PRKCH: variants seen among roughly 807,000 people sequenced by gnomAD.
PRKCH encodes the protein protein kinase C eta type.
In PRKCH, 28 loss-of-function variants were observed where a neutral mutation model predicts 82.5. The observed-to-expected ratio is 0.34, with a 90% CI of 0.25 to 0.47. PRKCH has a LOEUF of 0.47. Among genes scored for constraint, PRKCH ranks in the 20% least tolerant of loss-of-function variants. The pLI is 1.00. For missense variants in PRKCH, 705 were observed against 881.8 expected (o/e 0.80, Z 2.54); for synonymous variants, 322 against 327.4 (o/e 0.98, Z 0.18).
chr14:61,411,166 C>T (rs190164924), intron 2 of PRKCH, among the ~76,000 whole-genome samples: 36 of 152,290 alleles, frequency 2.4e-4, no homozygotes, highest in South Asian at 4.1e-4. Flanking sequence ...TTTGAGCCAC[C>T]TCAGAAGACA....
chr14:61,482,055 C>T (rs113505306), intron 9 of PRKCH, among the ~76,000 whole-genome samples: 5,184 of 139,290 alleles, frequency 0.037, 299 homozygotes, highest in African/African-American at 0.13. Context: ...GAGTGCATGG[C>T]GCGATCTTGG....
chr14:61,218,575 T>A (rs944076587), intron 1 of PRKCH, among the ~76,000 whole-genome samples: 1 of 152,072 alleles, frequency 6.6e-6, no homozygotes, highest in African/African-American at 2.4e-5. Flanking sequence ...CGCCCCCCAA[T>A]TTCAAGGGAA....
intron 1 of PRKCH, among the ~76,000 whole-genome samples, chr14:61,352,376 A>AT (rs2046088599): frequency 6.6e-6 from 1 of 152,138 alleles, no homozygotes; most frequent in Admixed American, 6.6e-5. Flanking sequence ...GATGTCCCAG[A>AT]TATAGGCCGG....
At position 61,408,566 on chromosome 14, in the gene PRKCH, G is replaced by C. The variant is rs1170577100; in HGVS notation, c.427+17278G>C. Among the ~76,000 whole-genome samples, 4 of 152,210 alleles carry C rather than the reference G, an allele frequency of 2.6e-5. No individual in the cohort carries two copies. The East Asian group carries it at 7.7e-4, about 29-fold the overall frequency. ...CCTTGCTGCGTGACCTTAAGCAATG[G>C]TTGCCTTATGTGTAAAACAAGGGGC... On this transcript the variant is annotated intron_variant, in intron 2 of 13. Coordinates refer to ENST00000332981, the MANE Select transcript of PRKCH (RefSeq NM_006255.5).
chr14:61,286,531 C>T (rs2045315084), intron 1 of PRKCH, among the ~76,000 whole-genome samples: 1 of 152,156 alleles, frequency 6.6e-6, no homozygotes, highest in Admixed American at 6.5e-5. Flanking sequence ...AATCCCAGCA[C>T]TTTGGGAGGC....
At chr14:61,431,139 T>C (rs750705750) in intron 2 of PRKCH, among the ~76,000 whole-genome samples, 5 of 151,820 alleles carry the variant, frequency 3.3e-5, no homozygotes, top group Non-Finnish European at 7.4e-5. Flanking sequence ...GGAGTTTAGC[T>C]GGTGTATGAC....
At chr14:61,418,023 A>T (rs909911880) in intron 2 of PRKCH, among the ~76,000 whole-genome samples, 4 of 152,130 alleles carry the variant, frequency 2.6e-5, no homozygotes, top group Non-Finnish European at 5.9e-5. Context: ...TGTTTATTGA[A>T]TTTCTCCACC....
chr14:61,210,111 A>AATATATATATATATAT (rs60055073), intron 1 of PRKCH, among the ~76,000 whole-genome samples: 5 of 87,366 alleles, frequency 5.7e-5, no homozygotes, highest in East Asian at 3.3e-4. Flanking sequence ...CAAACAAACA[A>AATATATATATATATAT]ATATATATAT....
chr14:61,290,813 A>AG (rs1566808853), intron 1 of PRKCH, among the ~76,000 whole-genome samples: 1 of 152,232 alleles, frequency 6.6e-6, no homozygotes, highest in Non-Finnish European at 1.5e-5. Flanking sequence ...CTTAAAAAAA[A>AG]AGAGAGAGAT....
intron 1 of PRKCH, among the ~76,000 whole-genome samples, chr14:61,379,216 C>T (rs567850010): frequency 6.6e-6 from 1 of 151,442 alleles, no homozygotes; most frequent in South Asian, 2.1e-4. Context: ...GCCCCCCCTC[C>T]CCAGGTCCAC....
intron 1 of PRKCH, among the ~76,000 whole-genome samples, chr14:61,267,972 A>G (rs1225435637): frequency 1.3e-5 from 2 of 152,208 alleles, no homozygotes; most frequent in Non-Finnish European, 2.9e-5. Flanking sequence ...TTCTGCTGAT[A>G]TGAAAAGAAA....
At chr14:61,295,984 C>T (rs866263000) in intron 1 of PRKCH, among the ~76,000 whole-genome samples, 17 of 152,140 alleles carry the variant, frequency 1.1e-4, no homozygotes, top group African/African-American at 2.7e-4. Flanking sequence ...GTGCCTGAAG[C>T]GGTCGGCTAG....
At chr14:61,241,348 A>G (rs540669862) in intron 1 of PRKCH, among the ~76,000 whole-genome samples, 100 of 152,288 alleles carry the variant, frequency 6.6e-4, no homozygotes, top group African/African-American at 2.3e-3. Context: ...TGGAAGCCTC[A>G]TTACATAGGC....
chr14:61,194,774 C>T (rs567321789), intron 1 of PRKCH, among the ~76,000 whole-genome samples: 9 of 152,136 alleles, frequency 5.9e-5, no homozygotes, highest in Non-Finnish European at 1.2e-4. Flanking sequence ...GCTCTCATCG[C>T]CCAGGCTTGA....
intron 12 of PRKCH, 104 bp downstream of exon 12, chr14:61,530,699 T>A: frequency 2.8e-6 from 3 of 1,070,910 alleles, no homozygotes; most frequent in Non-Finnish European, 3.9e-6. Context: ...CCACTAGCTC[T>A]AACTAAAATT....
chr14:61,390,903 T>A (rs2046668866), intron 1 of PRKCH: 2 of 229,756 alleles, frequency 8.7e-6, no homozygotes, highest in South Asian at 1.4e-4. Context: ...GCTGCTCTTA[T>A]AAGCCATATG....
At chr14:61,487,030 G>A (rs530317150) in intron 10 of PRKCH, among the ~76,000 whole-genome samples, 105 of 152,236 alleles carry the variant, frequency 6.9e-4, no homozygotes, top group African/African-American at 2.3e-3. Context: ...CTTAAATACC[G>A]TGGGAGTCAA....
intron 6 of PRKCH, among the ~76,000 whole-genome samples, chr14:61,451,560 C>T (rs928657061): frequency 6.6e-6 from 1 of 152,202 alleles, no homozygotes; most frequent in African/African-American, 2.4e-5. Flanking sequence ...TGTAAGCTTG[C>T]ATCTCACCAG....
rs375868095 is a variant in PRKCH at position 61,532,948 on chromosome 14, C to T, written c.1761+2353C>T. Among the ~76,000 whole-genome samples the T allele has an allele frequency of 1.1e-4, 17 of 152,338 alleles. No homozygotes were observed. The East Asian group carries it at 1.5e-3, about 14-fold the overall frequency. Reference sequence around the variant, plus strand: ...GCAGCTGCGATTGTTACATATCATGCGTCTAGCACTCATTTTCCTAAATAA... The same window carrying T: ...GCAGCTGCGATTGTTACATATCATGTGTCTAGCACTCATTTTCCTAAATAA... On this transcript the variant is annotated intron_variant, in intron 12 of 13. Transcript: ENST00000332981.
Sources: allele counts gnomAD v4.1 joint callset (sites outside exome capture counted in the v4.1 genomes callset), GRCh38; gene constraint gnomAD v4.1.1; transcripts MANE v1.5; gene names NCBI Gene and HGNC (gene_info 2026-07-23, HGNC 2026-07-21).